The following ZFYVE16 variants were observed in gnomAD, a reference collection of about 807,000 sequenced individuals.
The protein encoded by ZFYVE16 is zinc finger FYVE domain-containing protein 16.
ZFYVE16 carries 89 observed loss-of-function variants against 138.1 expected under a neutral mutation model. The observed-to-expected ratio is 0.64, with a 90% CI of 0.54 to 0.77. ZFYVE16 has a LOEUF of 0.77. Ranked by LOEUF, ZFYVE16 falls within the 30% of genes least tolerant of loss-of-function variation. The pLI, the probability that ZFYVE16 is intolerant of heterozygous loss-of-function variation, is 0.00. For synonymous variants in ZFYVE16, 596 were observed against 618.3 expected, an observed-to-expected ratio of 0.96 and a Z score of 0.53; for missense variants, 1,793 against 1,786.7, an observed-to-expected ratio of 1.00 and a Z score of -0.06.
intron 3 of ZFYVE16, among the ~76,000 whole-genome samples, 177 bp downstream of exon 3, chr5:80,434,394 C>T (rs896349963): frequency 2.0e-5 from 3 of 152,054 alleles, no homozygotes; most frequent in Non-Finnish European, 4.4e-5. Flanking sequence ...TGAATGGGAC[C>T]CATAGCCAGA....
At chr5:80,424,313 G>T (rs1014911651) in intron 1 of ZFYVE16, among the ~76,000 whole-genome samples, 4 of 152,056 alleles carry the variant, frequency 2.6e-5, no homozygotes, top group Non-Finnish European at 4.4e-5. Context: ...CTGCGATCAG[G>T]TTCCATGACC....
chr5:80,441,404 C>G, intron 5 of ZFYVE16: 1 of 985,340 alleles, frequency 1.0e-6, no homozygotes, highest in Non-Finnish European at 1.2e-6. Flanking sequence ...GTTATCTGTT[C>G]AAATTCTATT....
chr5:80,438,465 A>G lies in ZFYVE16; in HGVS notation c.1780A>G (p.Ile594Val), dbSNP rs1406120542. ...TATTGGGGAAAGTCATGGTATTAATATAATTTGTGAAATAGTTGATAAACA... is the reference window on the plus strand; with the variant it reads ...TATTGGGGAAAGTCATGGTATTAATGTAATTTGTGAAATAGTTGATAAACA... The part of the protein sequence containing the change: ...GAIGESHGIN[I>V]ICEIVDKQNT... The change falls in exon 4 of 19, where the codon ATA becomes GTA. Residue 594 changes from isoleucine to valine, a missense_variant. Transcript: ENST00000505560. 6 of 1,613,802 alleles carry G rather than the reference A, an allele frequency of 3.7e-6. No individual in the cohort carries two copies. Among genetic ancestry groups the G allele is most frequent in the Non-Finnish European group, 4.2e-6 (5 of 1,179,866 alleles).
In ZFYVE16 at chr5:80,438,991, G is replaced by A. The variant is rs1047277887; in HGVS notation, c.2306G>A (p.Cys769Tyr). Reference protein sequence around the residue: ...KFTFTKRRHHCRACGKVFCGV... With the variant: ...KFTFTKRRHHYRACGKVFCGV... ...ACTTTTACCAAACGGCGACACCATTGCCGAGCATGTGGGAAAGTAAGTTAT... is the reference window on the plus strand; with the variant it reads ...ACTTTTACCAAACGGCGACACCATTACCGAGCATGTGGGAAAGTAAGTTAT... Residue 769 changes from cysteine (C) to tyrosine (Y), a missense_variant, in exon 4 of 19, where the codon TGC becomes TAC. By Grantham distance (194) the Cys-to-Tyr change is radical. Around this residue, in one of 2 missense-constraint regions of ZFYVE16, gnomAD observed 1,295 missense variants for 1,204.3 expected, o/e 1.08. Transcript: ENST00000505560. The A allele has an allele frequency of 1.2e-6, 2 of 1,606,338 alleles. No individual in the cohort carries two copies. The highest frequency in any genetic ancestry group is 1.7e-6 in the Non-Finnish European group (2 of 1,176,160).
intron 1 of ZFYVE16, among the ~76,000 whole-genome samples, chr5:80,423,275 G>A (rs936714076): frequency 2.0e-5 from 3 of 151,844 alleles, no homozygotes; most frequent in African/African-American, 7.3e-5. Flanking sequence ...TTGAGGAATT[G>A]GTTCATTTCA....
chr5:80,477,345 T>C lies in ZFYVE16; in HGVS notation c.4588T>C (p.Leu1530=). The C allele has an allele frequency of 6.2e-7, 1 of 1,608,008 alleles. No individual in the cohort carries two copies. Among genetic ancestry groups the C allele is most frequent in the Non-Finnish European group, 8.5e-7 (1 of 1,177,994 alleles). ...CTCTAGTTTACCATTAGAAATAGAATTAGTGTTTTTCATTATAGAACATCT... is the reference window on the plus strand; with the variant it reads ...CTCTAGTTTACCATTAGAAATAGAACTAGTGTTTTTCATTATAGAACATCT... ...SNSSLPLEIE[L]VFFIIEHLF Residue 1530 remains leucine (L), a synonymous_variant, in exon 19 of 19, where the codon TTA becomes CTA. Coordinates refer to ENST00000505560, the MANE Select transcript of ZFYVE16 (RefSeq NM_001284236.3).
chr5:80,408,542 A>T (rs1351364158), intron 1 of ZFYVE16, among the ~76,000 whole-genome samples: 2 of 152,138 alleles, frequency 1.3e-5, no homozygotes, highest in Non-Finnish European at 2.9e-5. Flanking sequence ...TGCGGAGGGG[A>T]CTGTGGTTCT....
chr5:80,436,703 A>T, intron 3 of ZFYVE16, 53 bp from the exon 4 acceptor site: 1 of 1,442,612 alleles, frequency 6.9e-7, no homozygotes, highest in Non-Finnish European at 9.4e-7. Context: ...TAATATGTTT[A>T]ATAATTTTTA....
intron 15 of ZFYVE16, among the ~76,000 whole-genome samples, chr5:80,462,119 A>G (rs888593501): frequency 2.0e-5 from 3 of 152,238 alleles, no homozygotes; most frequent in Admixed American, 6.5e-5. Context: ...ATTCTGGGGA[A>G]ACACAATTCT....
At chr5:80,423,771 C>G (rs1747581686) in intron 1 of ZFYVE16, among the ~76,000 whole-genome samples, 1 of 151,932 alleles carries the variant, frequency 6.6e-6, no homozygotes, top group South Asian at 2.1e-4. Context: ...ATCTCCTGAC[C>G]TTGTGATCCG....
At chr5:80,415,379 A>G (rs780766406) in intron 1 of ZFYVE16, among the ~76,000 whole-genome samples, 6 of 152,032 alleles carry the variant, frequency 3.9e-5, no homozygotes, top group Non-Finnish European at 7.4e-5. Context: ...GCATTTCCTC[A>G]TTTTTCCTCT....
intron 1 of ZFYVE16, among the ~76,000 whole-genome samples, chr5:80,423,285 A>T (rs376588545): frequency 6.6e-6 from 1 of 152,118 alleles, no homozygotes; most frequent in East Asian, 1.9e-4. Context: ...GGTTCATTTC[A>T]TCTAAATTAC....
intron 4 of ZFYVE16, among the ~76,000 whole-genome samples, chr5:80,439,708 T>C (rs543098428): frequency 6.6e-6 from 1 of 152,262 alleles, no homozygotes; most frequent in East Asian, 1.9e-4. Flanking sequence ...AGAATTGATT[T>C]AAAGGAATTC....
At chr5:80,424,910 G>A (rs1375446385) in intron 1 of ZFYVE16, among the ~76,000 whole-genome samples, 1 of 152,210 alleles carries the variant, frequency 6.6e-6, no homozygotes, top group African/African-American at 2.4e-5. Context: ...AAATTCTTCT[G>A]AAGTGTACCT....
At chr5:80,452,063 A>T in intron 11 of ZFYVE16, 1 of 184,256 alleles carries the variant, frequency 5.4e-6, no homozygotes, top group Non-Finnish European at 1.1e-5. Context: ...TTCACAGAGT[A>T]CATACCAGTT....
rs1457965265 is a variant in ZFYVE16 at position 80,474,694 on chromosome 5, C to T, written c.4325C>T (p.Ser1442Phe). ...VFYFLKDQDL[S>F]ILSTSYQFAK... is the part of the protein sequence containing the mutation. ...TACTTTCTAAAGGACCAGGATTTAT[C>T]TATTTTATCAACTTCTTATCAGTTT... is the stretch of plus-strand genomic sequence containing the variant. Residue 1442 changes from serine (S) to phenylalanine (F), a missense_variant, in exon 18 of 19, where the codon TCT becomes TTT. Around this residue, in one of 2 missense-constraint regions of ZFYVE16, gnomAD observed 498 missense variants for 582.4 expected, o/e 0.86. Coordinates refer to ENST00000505560, the MANE Select transcript of ZFYVE16 (RefSeq NM_001284236.3). 1 of 1,613,562 alleles carries T rather than the reference C, an allele frequency of 6.2e-7. No individual in the cohort carries two copies. The highest frequency in any genetic ancestry group is 1.1e-5 in the South Asian group (1 of 91,012).
chr5:80,439,101 A>C (rs1580224769), intron 4 of ZFYVE16, 94 bp downstream of exon 4: 1 of 1,257,154 alleles, frequency 8.0e-7, no homozygotes, highest in East Asian at 2.5e-5. Flanking sequence ...GATAATTACA[A>C]GATTGAGTTA....
intron 1 of ZFYVE16, among the ~76,000 whole-genome samples, chr5:80,420,516 A>G (rs554736435): frequency 5.9e-5 from 9 of 151,994 alleles, no homozygotes; most frequent in African/African-American, 9.7e-5. Context: ...TCATTGTTCA[A>G]TTCCCACCTA....
At chr5:80,426,547 G>T (rs1748111784) in intron 1 of ZFYVE16, among the ~76,000 whole-genome samples, 1 of 151,934 alleles carries the variant, frequency 6.6e-6, no homozygotes, top group African/African-American at 2.4e-5. Flanking sequence ...AGAACATGAG[G>T]TGTTTGGTTT....
Sources: gnomAD v4.1 joint callset for allele counts (sites outside exome capture counted in the v4.1 genomes callset) on GRCh38, gnomAD v4.1.1 for gene constraint, gnomAD v4.1.1 regional missense constraint, MANE v1.5 for transcripts, NCBI Gene and HGNC (gene_info 2026-07-23, HGNC 2026-07-21) for gene names.